PREX2: variants seen among roughly 807,000 people sequenced by gnomAD.
PREX2 encodes phosphatidylinositol 3,4,5-trisphosphate-dependent Rac exchanger 2 protein.
In PREX2, 107 loss-of-function variants were observed where a neutral mutation model predicts 203.2. The ratio of observed to expected loss-of-function variants is 0.53; its 90% CI spans 0.45 to 0.62. The LOEUF (loss-of-function observed/expected upper bound fraction) is 0.62, where lower values mean the gene tolerates loss of function less well. Ranked by LOEUF, PREX2 falls within the 20% of genes least tolerant of loss-of-function variation. The pLI, the probability that PREX2 is intolerant of heterozygous loss-of-function variation, is 0.00. For synonymous variants in PREX2, 672 were observed against 663.6 expected (o/e 1.01, Z -0.19); for missense variants, 1,777 against 1,955.9 (o/e 0.91, Z 1.72).
rs986813423 is a variant in PREX2 at position 67,952,436 on chromosome 8, C to T, written c.42C>T (p.Ala14=). The part of the protein sequence containing the change: ...DSRGDSRAES[A]KDLEKQLRLR... ...GCGGAGACAGCCGCGCCGAGAGCGC[C>T]AAGGACCTGGAGAAGCAGCTTCGCC... Residue 14 remains alanine, a synonymous_variant, in exon 1 of 40, where the codon GCC becomes GCT. Transcript: ENST00000288368. The T allele has an allele frequency of 3.8e-6, 6 of 1,587,760 alleles. No homozygotes were observed. In the African/African-American group the frequency reaches 5.4e-5, roughly 14 times the overall value.
At chr8:68,230,771 G>A (rs756416041) in intron 39 of PREX2, among the ~76,000 whole-genome samples, 19 of 152,270 alleles carry the variant, frequency 1.2e-4, no homozygotes, top group South Asian at 1.0e-3. Context: ...GCCCTGGGCA[G>A]AGCTGGGTAA....
rs373464545 is a variant in PREX2, at chr8:68,030,528, G to A, written c.575G>A (p.Ser192Asn). The A allele has an allele frequency of 1.9e-6, 3 of 1,613,358 alleles. No homozygotes were observed. The African/African-American group carries it at 4.0e-5, about 22-fold the overall frequency. Residue 192 changes from serine to asparagine, a missense_variant, in exon 6 of 40, where the codon AGT (serine) becomes AAT (asparagine). Physicochemically the swap from Ser to Asn is conservative, Grantham distance 46. Coordinates refer to ENST00000288368, the MANE Select transcript of PREX2 (RefSeq NM_024870.4). ...ELLKRTPRKHSDYAAVMEALQ... is the reference protein window; with the variant it reads ...ELLKRTPRKHNDYAAVMEALQ... ...CTGAAGCGGACTCCACGGAAACACA[G>A]TGACTATGCAGCAGTGATGGAAGCC... is the stretch of plus-strand genomic sequence containing the variant.
At chr8:68,181,719 G>T (rs1812090016) in intron 35 of PREX2, among the ~76,000 whole-genome samples, 1 of 151,984 alleles carries the variant, frequency 6.6e-6, no homozygotes, top group Non-Finnish European at 1.5e-5. Flanking sequence ...CTTGAAAGAA[G>T]ATACATTGTC....
In PREX2 at chr8:68,083,504, C is replaced by T. The variant is rs1809593187; in HGVS notation, c.2027+116C>T. 4.2e-6 allele frequency: 3 copies of T among 706,106 alleles called. No homozygotes were observed. The African/African-American group carries it at 5.3e-5, about 13-fold the overall frequency. The allele number at this position is 706,106 out of a possible 1,614,324, so 43.7% of individuals were successfully genotyped here. Reference sequence around the variant, plus strand: ...CATCTCATTGCTTGGAACGCTTGAACCTCACCGGTATCATTAATACTGGTT... The same window carrying T: ...CATCTCATTGCTTGGAACGCTTGAATCTCACCGGTATCATTAATACTGGTT... On this transcript the variant is annotated intron_variant, in intron 18 of 39. Transcript: ENST00000288368.
At chr8:68,150,169 C>G (rs62522695) in intron 34 of PREX2, among the ~76,000 whole-genome samples, 11 of 152,212 alleles carry the variant, frequency 7.2e-5, no homozygotes, top group Non-Finnish European at 1.5e-4. Flanking sequence ...TGAGCATCCT[C>G]TGTAGTCCAT....
rs753837251 is a variant in PREX2 at position 68,090,655 on chromosome 8, G to A, written c.2190G>A (p.Glu730=). Residue 730 remains glutamate, a synonymous_variant, in exon 20 of 40, where the codon GAG becomes GAA. Coordinates refer to ENST00000288368, the MANE Select transcript of PREX2 (RefSeq NM_024870.4). Reference sequence around the variant, plus strand: ...TGAATGGAATCAATGTCAGCAAAGAGACACATGCCAGTGTCATTGCACACG... The same window carrying A: ...TGAATGGAATCAATGTCAGCAAAGAAACACATGCCAGTGTCATTGCACACG... The part of the protein sequence containing the change: ...IKVNGINVSK[E]THASVIAHVT... 6.2e-7 allele frequency: 1 copy of A among 1,614,048 alleles called. No homozygotes were observed. The highest frequency in any genetic ancestry group is 1.1e-5 in the South Asian group (1 of 91,084).
chr8:68,118,578 G>A lies in PREX2; in HGVS notation c.3355G>A (p.Ala1119Thr), dbSNP rs778089198. The A allele has an allele frequency of 2.2e-5, 36 of 1,613,728 alleles. No homozygotes were observed. The highest frequency in any genetic ancestry group is 1.6e-4 in the Middle Eastern group (1 of 6,084). ...CTGCAACAGCAATAGGAATTCCATC[G>A]CCTCCTTCACCAGCATCTGCAGCAG... is the stretch of plus-strand genomic sequence containing the variant. Reference protein sequence around the residue: ...SDCNSNRNSIASFTSICSSQC... With the variant: ...SDCNSNRNSITSFTSICSSQC... Residue 1119 changes from alanine (A) to threonine (T), a missense_variant, in exon 27 of 40, where the codon GCC becomes ACC. By Grantham distance (58) the Ala-to-Thr change is moderately conservative. Transcript: ENST00000288368.
chr8:68,188,279 A>G (rs369539654), intron 35 of PREX2, among the ~76,000 whole-genome samples: 1 of 151,904 alleles, frequency 6.6e-6, no homozygotes, highest in African/African-American at 2.4e-5. Flanking sequence ...GAGGATGATG[A>G]GAGAGAGAGA....
At chr8:68,162,105 G>C (rs186634330) in intron 35 of PREX2, among the ~76,000 whole-genome samples, 205 of 152,168 alleles carry the variant, frequency 1.3e-3, no homozygotes, top group Non-Finnish European at 2.4e-3. Flanking sequence ...CCTCCCACTT[G>C]GTCCCTCCCA....
chr8:68,150,332 A>G (rs1811409913), intron 34 of PREX2, among the ~76,000 whole-genome samples: 1 of 152,152 alleles, frequency 6.6e-6, no homozygotes. Context: ...CAGCTTGTCT[A>G]CAGCTGCCAC....
intron 26 of PREX2, among the ~76,000 whole-genome samples, chr8:68,116,746 T>TA (rs1810667543): frequency 6.6e-6 from 1 of 152,162 alleles, no homozygotes; most frequent in Non-Finnish European, 1.5e-5. Context: ...ATTACCTTTG[T>TA]AAAGACCCTA....
At chr8:68,115,435 G>A (rs1418804292) in intron 25 of PREX2, among the ~76,000 whole-genome samples, 1 of 152,208 alleles carries the variant, frequency 6.6e-6, no homozygotes, top group Non-Finnish European at 1.5e-5. Context: ...AGTCATGGAA[G>A]CCAGTTATTC....
chr8:68,161,335 T>C (rs953474748), intron 35 of PREX2, among the ~76,000 whole-genome samples: 2 of 152,026 alleles, frequency 1.3e-5, no homozygotes, highest in African/African-American at 4.8e-5. Context: ...CCTCGTGATC[T>C]GCCCACCTCA....
intron 24 of PREX2, 23 bp downstream of exon 24, chr8:68,108,354 A>G (rs1032268545): frequency 1.3e-6 from 2 of 1,579,562 alleles, no homozygotes; most frequent in South Asian, 2.2e-5. Context: ...TTGCAACTTT[A>G]TCAAATCATG....
intron 10 of PREX2, among the ~76,000 whole-genome samples, chr8:68,056,459 G>A (rs1446941638): frequency 6.6e-6 from 1 of 152,188 alleles, no homozygotes; most frequent in Non-Finnish European, 1.5e-5. Flanking sequence ...TGAAGAGACA[G>A]GCAGCAAGCA....
intron 11 of PREX2, among the ~76,000 whole-genome samples, 176 bp downstream of exon 11, chr8:68,060,955 G>A (rs913976633): frequency 1.1e-4 from 17 of 152,132 alleles, no homozygotes; most frequent in Admixed American, 2.0e-4. Flanking sequence ...GGTTTATAGG[G>A]CTATATTTGT....
intron 8 of PREX2, among the ~76,000 whole-genome samples, chr8:68,049,340 T>C (rs1247996223): frequency 6.6e-6 from 1 of 152,002 alleles, no homozygotes; most frequent in Non-Finnish European, 1.5e-5. Context: ...TAGACATCAG[T>C]TTCTTGATGT....
At chr8:68,082,517 G>A (rs547207034) in intron 17 of PREX2, 1 of 152,304 alleles carries the variant, frequency 6.6e-6, no homozygotes, top group South Asian at 2.1e-4. Context: ...TCAATGAGAA[G>A]GAAATAGTTT....
chr8:68,050,187 T>C (rs1808484409), intron 8 of PREX2, among the ~76,000 whole-genome samples: 1 of 152,164 alleles, frequency 6.6e-6, no homozygotes, highest in Admixed American at 6.5e-5. Context: ...AAGCTGTTCT[T>C]TTAAAATACT....
Sources: gnomAD v4.1 joint callset for allele counts (sites outside exome capture counted in the v4.1 genomes callset) on GRCh38, gnomAD v4.1.1 for gene constraint, MANE v1.5 for transcripts, NCBI Gene and HGNC (gene_info 2026-07-23, HGNC 2026-07-21) for gene names.